The following ITGA7 variants were observed in gnomAD, a reference collection of about 807,000 sequenced individuals.
The protein encoded by ITGA7 is integrin alpha-7.
A neutral mutation model predicts 131.6 loss-of-function variants in ITGA7; 84 were observed. The observed-to-expected ratio is 0.64, with a 90% CI of 0.54 to 0.77. The LOEUF (loss-of-function observed/expected upper bound fraction) is 0.77, where lower values mean the gene tolerates loss of function less well. Among genes scored for constraint, ITGA7 ranks in the 30% least tolerant of loss-of-function variants. ITGA7 has a pLI of 0.00. For synonymous variants in ITGA7, 548 were observed against 600.7 expected (o/e 0.91, Z 1.28); for missense variants, 1,399 against 1,482.9 (o/e 0.94, Z 0.93).
chr12:55,702,921 T>C lies in ITGA7; in HGVS notation c.365A>G (p.Gln122Arg). 1 of 1,613,190 alleles carries C rather than the reference T, an allele frequency of 6.2e-7. No homozygotes were observed. The highest frequency in any genetic ancestry group is 8.5e-7 in the Non-Finnish European group (1 of 1,180,004). Reference sequence around the variant, plus strand: ...GCTCCGAACACTGACTCCCAACCACTGGTTCTCCTTGCTTTCCTTTTGCAT... The same window carrying C: ...GCTCCGAACACTGACTCCCAACCACCGGTTCTCCTTGCTTTCCTTTTGCAT... ...ADMQKESKENQWLGVSVRSQG... is the reference protein window; with the variant it reads ...ADMQKESKENRWLGVSVRSQG... The change falls in exon 3 of 25, where the codon CAG becomes CGG. Residue 122 changes from glutamine (Q) to arginine (R), a missense_variant. Gln to Arg is a conservative substitution (Grantham distance 43). Coordinates refer to ENST00000257879, the MANE Select transcript of ITGA7 (RefSeq NM_002206.3).
At chr12:55,700,357 G>C (rs758020671) in intron 4 of ITGA7, 5 of 1,609,966 alleles carry the variant, frequency 3.1e-6, no homozygotes, top group African/African-American at 1.3e-5. Flanking sequence ...TGCCAGGTCC[G>C]CTGAGCCCTG....
intron 6 of ITGA7, 50 bp downstream of exon 6, chr12:55,698,660 G>A (rs765356662): frequency 6.2e-7 from 1 of 1,612,214 alleles, no homozygotes; most frequent in Non-Finnish European, 8.5e-7. Context: ...GCCAGACTGG[G>A]GCTACTAGAC....
At chr12:55,708,842 G>A (rs1875746669), upstream of ITGA7, among the ~76,000 whole-genome samples, 1 of 152,194 alleles carries the variant, frequency 6.6e-6, no homozygotes, top group Non-Finnish European at 1.5e-5. Context: ...GACCTGGGTG[G>A]GGCTGAGATG....
At chr12:55,700,495 T>C in intron 4 of ITGA7, 1 of 1,401,356 alleles carries the variant, frequency 7.1e-7, no homozygotes, top group Non-Finnish European at 9.7e-7. Flanking sequence ...TGCCTCTTCT[T>C]TCTAGCCCTC....
rs375426827 is a variant in ITGA7, at chr12:55,694,355, T to C, written c.2358-25A>G. 2.3e-5 allele frequency: 37 copies of C among 1,613,668 alleles called. No homozygotes were observed. In the African/African-American group the frequency reaches 3.6e-4, roughly 16 times the overall value. ...CCTGGTGAGTGGGCAGGGGCAAGTA[T>C]GGGCATCAGGCACAGGCACCTCCCA... On this transcript the variant is annotated intron_variant, in intron 17 of 24. Coordinates refer to ENST00000257879, the MANE Select transcript of ITGA7 (RefSeq NM_002206.3). The surrounding 1 kb of genome is among the most constrained non-coding windows in gnomAD (Gnocchi z 5.3).
chr12:55,707,604 G>A lies in ITGA7; in HGVS notation c.79C>T (p.Leu27Phe). The A allele has an allele frequency of 6.2e-7, 1 of 1,613,162 alleles. No homozygotes were observed. The highest frequency in any genetic ancestry group is 8.5e-7 in the Non-Finnish European group (1 of 1,179,576). The part of the protein sequence containing the change: ...YLFGSLLVEL[L>F]FSRAVAFNLD... ...TTGAAGGCGACAGCCCGTGAGAAGA[G>A]CAGTTCGACGAGCAGGGAGCCAAAA... is the stretch of plus-strand genomic sequence containing the variant. The change falls in exon 1 of 25, where the codon CTC becomes TTC. Residue 27 changes from leucine (L) to phenylalanine (F), a missense_variant. Physicochemically the swap from Leu to Phe is conservative, Grantham distance 22. Transcript: ENST00000257879.
At chr12:55,685,602 GCTT>G (rs1360210060) in intron 24 of ITGA7, among the ~76,000 whole-genome samples, 8 of 152,144 alleles carry the variant, frequency 5.3e-5, no homozygotes, top group African/African-American at 1.9e-4. Context: ...ACCCCCTCTA[GCTT>G]CTTAAGAGAC....
At chr12:55,716,052 A>G (rs1225004965), upstream of ITGA7, 5 of 1,554,062 alleles carry the variant, frequency 3.2e-6, no homozygotes, top group African/African-American at 5.5e-5. Context: ...GTCACGTGAC[A>G]TGGCCCCGGG....
At chr12:55,712,314 G>A (rs1565649145), upstream of ITGA7, 5 of 1,394,664 alleles carry the variant, frequency 3.6e-6, no homozygotes, top group Admixed American at 2.0e-5. Context: ...CTGGCTTCAG[G>A]CCAACATTTG....
chr12:55,694,187 C>T lies in ITGA7; in HGVS notation c.2433-64G>A. ...GGGCCTGGCTCAATGAAGGCAGGGC[C>T]CTGGCCAAGGTTTGGAAATGTCAAT... On this transcript the variant is annotated intron_variant, in intron 18 of 24. Transcript: ENST00000257879. The surrounding 1 kb of genome is among the most constrained non-coding windows in gnomAD (Gnocchi z 5.3). 2 of 1,612,126 alleles carry T rather than the reference C, an allele frequency of 1.2e-6. No homozygotes were observed. Among genetic ancestry groups the T allele is most frequent in the Non-Finnish European group, 1.7e-6 (2 of 1,178,184 alleles).
At position 55,703,167 on chromosome 12, in the gene ITGA7, C is replaced by G. The variant is rs1205223869; in HGVS notation, c.218G>C (p.Gly73Ala). The G allele has an allele frequency of 3.1e-6, 5 of 1,610,360 alleles. No homozygotes were observed. Among genetic ancestry groups the G allele is most frequent in the Admixed American group, 1.7e-5 (1 of 59,990 alleles). Residue 73 changes from glycine (G) to alanine (A), a missense_variant, in exon 2 of 25, where the codon GGT becomes GCT. By Grantham distance (60) the Gly-to-Ala change is moderately conservative (BLOSUM62 0). Coordinates refer to ENST00000257879, the MANE Select transcript of ITGA7 (RefSeq NM_002206.3). ...AGGAAGAGCCAGGGCCTGGGGAGCA[C>G]CCACCAGCAGCCTGCAAGATGGGGC... The part of the protein sequence containing the change: ...QPRPQSWLLV[G>A]APQALALPGQ...
intron 21 of ITGA7, among the ~76,000 whole-genome samples, chr12:55,689,165 T>C (rs534902429): frequency 2.6e-5 from 4 of 152,364 alleles, no homozygotes; most frequent in African/African-American, 9.6e-5. Context: ...GGGAATCTCT[T>C]ACTTGACAGC....
At chr12:55,699,764 G>A (rs1873534096) in intron 5 of ITGA7, 106 bp downstream of exon 5, 1 of 1,367,284 alleles carries the variant, frequency 7.3e-7, no homozygotes, top group Admixed American at 2.0e-5. Flanking sequence ...CCCTGGGTGT[G>A]TGTTGGGGGA....
chr12:55,696,136 T>C (rs1312357241), intron 13 of ITGA7, 147 bp downstream of exon 13: 3 of 857,028 alleles, frequency 3.5e-6, no homozygotes, highest in Non-Finnish European at 5.5e-6. Flanking sequence ...AGGAACATGG[T>C]CATTTAGGCA....
upstream of ITGA7, chr12:55,716,002 G>GTCTCAAGAGGGCGGTTCCCAAC: frequency 6.7e-7 from 1 of 1,501,204 alleles, no homozygotes; most frequent in Non-Finnish European, 8.9e-7. Flanking sequence ...CTTCACCCAA[G>GTCTCAAGAGGGCGGTTCCCAAC]GTCTCAAGAG....
intron 3 of ITGA7, chr12:55,701,445 C>T: frequency 6.4e-7 from 1 of 1,551,144 alleles, no homozygotes; most frequent in Non-Finnish European, 8.7e-7. Flanking sequence ...CACAATTAAG[C>T]CACCACATAG....
chr12:55,716,379 G>C (rs1876527589), upstream of ITGA7: 17 of 1,428,802 alleles, frequency 1.2e-5, no homozygotes, highest in Middle Eastern at 2.5e-4. Context: ...AACTGGCTCC[G>C]GTCCCTTGGG....
At position 55,694,926 on chromosome 12, in the gene ITGA7, G is replaced by A. The variant is rs753481762; in HGVS notation, c.2048C>T (p.Pro683Leu). 4 of 1,613,950 alleles carry A rather than the reference G, an allele frequency of 2.5e-6. No homozygotes were observed. Among genetic ancestry groups the A allele is most frequent in the South Asian group, 1.1e-5 (1 of 91,078 alleles). The change falls in exon 15 of 25, where the codon CCA becomes CTA. Residue 683 changes from proline to leucine, a missense_variant. By Grantham distance (98) the Pro-to-Leu change is moderately conservative (BLOSUM62 -3). Transcript: ENST00000257879. This position sits in a 1 kb window ranked among gnomAD's most constrained non-coding sequence, Gnocchi z 5.3. The part of the protein sequence containing the change: ...TTALFALSGQ[P>L]VIGLELMVTN... ...GACCATCAGCTCCAGGCCAATGACT[G>A]GCTGCCCACTCAGTGCAAACAGGGC... is the stretch of plus-strand genomic sequence containing the variant.
At chr12:55,707,977 A>T, upstream of ITGA7, 1 of 1,292,062 alleles carries the variant, frequency 7.7e-7, no homozygotes, top group Non-Finnish European at 9.8e-7. Flanking sequence ...CTCCCGCGGC[A>T]GGTGGAGACC....
Sources: allele counts gnomAD v4.1 joint callset (sites outside exome capture counted in the v4.1 genomes callset), GRCh38; gene constraint gnomAD v4.1.1; non-coding constraint Gnocchi (gnomAD v3.1); transcripts MANE v1.5; gene names NCBI Gene and HGNC (gene_info 2026-07-23, HGNC 2026-07-21).